The following PACRG variants were observed in gnomAD, a reference collection of about 807,000 sequenced individuals.
PACRG encodes parkin coregulated gene protein.
PACRG carries 29 observed loss-of-function variants against 29.7 expected under a neutral mutation model. The observed-to-expected ratio is 0.98, with a 90% CI of 0.73 to 1.33. The LOEUF is 1.33. Among genes scored for constraint, PACRG ranks in the 40% most tolerant of loss-of-function variants. PACRG has a pLI of 0.00. For synonymous variants in PACRG, 116 were observed against 118.7 expected, an observed-to-expected ratio of 0.98 and a Z score of 0.15; for missense variants, 279 against 316.2, an observed-to-expected ratio of 0.88 and a Z score of 0.89.
At chr6:162,875,826 G>A (rs1263859309) in intron 2 of PACRG, among the ~76,000 whole-genome samples, 1 of 152,122 alleles carries the variant, frequency 6.6e-6, no homozygotes, top group African/African-American at 2.4e-5. Context: ...TTCCAGGGAG[G>A]TCTTCTTCCT....
At chr6:163,309,301 G>A (rs564024781) in intron 4 of PACRG, among the ~76,000 whole-genome samples, 2 of 152,358 alleles carry the variant, frequency 1.3e-5, no homozygotes, top group South Asian at 4.1e-4. Context: ...TTATTTCAGA[G>A]CCTTGGTTTT....
Position 162,846,826 on chromosome 6 carries a change from C to T in PACRG, c.291+32545C>T, listed in dbSNP as rs115742345. 3.2e-3 allele frequency among the ~76,000 whole-genome samples: 488 copies of T among 152,398 alleles called. 8 individuals are homozygous for T. The highest frequency in any genetic ancestry group is 0.011 in the African/African-American group (462 of 41,600). ...TCCCCACTGTTGTCTGTGCTCCGCA[C>T]ACTGTCCACTGTGCTCCCCACACTG... On this transcript the variant is annotated intron_variant, in intron 2 of 4. Coordinates refer to ENST00000366888, the MANE Select transcript of PACRG (RefSeq NM_001080379.2).
intron 2 of PACRG, among the ~76,000 whole-genome samples, chr6:163,037,997 A>G (rs1401815157): frequency 6.6e-6 from 1 of 152,256 alleles, no homozygotes; most frequent in Non-Finnish European, 1.5e-5. Flanking sequence ...AGTGGCAATA[A>G]TAATGATTAG....
chr6:163,026,166 C>A (rs1290968119), intron 2 of PACRG, among the ~76,000 whole-genome samples: 1 of 152,072 alleles, frequency 6.6e-6, no homozygotes, highest in South Asian at 2.1e-4. Flanking sequence ...TATAAGAAAT[C>A]AATTTGATAA....
At chr6:162,913,185 C>T (rs149134080) in intron 2 of PACRG, among the ~76,000 whole-genome samples, 1 of 152,190 alleles carries the variant, frequency 6.6e-6, no homozygotes, top group East Asian at 1.9e-4. Flanking sequence ...ATGTTGGCCT[C>T]TGTATACACC....
At chr6:162,787,590 A>G (rs1315525194) in intron 1 of PACRG, among the ~76,000 whole-genome samples, 2,337 of 115,678 alleles carry the variant, frequency 0.02, 24 homozygotes, top group Non-Finnish European at 0.023. Context: ...GTGTATATAT[A>G]TATATATATA....
intron 4 of PACRG, among the ~76,000 whole-genome samples, chr6:163,217,117 T>C (rs1781393292): frequency 1.3e-5 from 2 of 152,214 alleles, no homozygotes; most frequent in Admixed American, 6.5e-5. Flanking sequence ...TGTGAAAGAC[T>C]CTGGGATGGG....
At chr6:163,311,775 C>CA (rs36101814) in intron 4 of PACRG, among the ~76,000 whole-genome samples, 44,243 of 151,864 alleles carry the variant, frequency 0.29, 7,905 homozygotes, top group African/African-American at 0.5. Context: ...TGTGGAAAAA[C>CA]AAAAAAAGCT....
chr6:163,067,329 G>C (rs1209766368), intron 3 of PACRG, among the ~76,000 whole-genome samples: 1 of 152,234 alleles, frequency 6.6e-6, no homozygotes, highest in South Asian at 2.1e-4. Context: ...CCCCACCAAA[G>C]AGTCCTGGAC....
chr6:162,778,934 G>A (rs988329241), intron 1 of PACRG, among the ~76,000 whole-genome samples: 6 of 152,140 alleles, frequency 3.9e-5, no homozygotes, highest in Admixed American at 3.3e-4. Context: ...TGTTTCATAG[G>A]TAAACGTGTG....
chr6:163,301,362 T>C (rs1293188694), intron 4 of PACRG, among the ~76,000 whole-genome samples: 2 of 152,222 alleles, frequency 1.3e-5, no homozygotes, highest in African/African-American at 4.8e-5. Flanking sequence ...GAACTATATC[T>C]GAAGGAAAAC....
intron 2 of PACRG, among the ~76,000 whole-genome samples, chr6:162,880,505 T>C (rs1562692960): frequency 1.3e-5 from 2 of 152,334 alleles, no homozygotes; most frequent in East Asian, 3.9e-4. Flanking sequence ...TTCCTTGTAG[T>C]GTTTTGAATA....
At chr6:163,158,726 T>C (rs1778425660) in intron 4 of PACRG, among the ~76,000 whole-genome samples, 1 of 152,182 alleles carries the variant, frequency 6.6e-6, no homozygotes, top group Non-Finnish European at 1.5e-5. Flanking sequence ...TAGACATTAC[T>C]AGGAAATAAT....
intron 2 of PACRG, among the ~76,000 whole-genome samples, chr6:162,929,397 C>A (rs1339513632): frequency 6.6e-6 from 1 of 151,660 alleles, no homozygotes; most frequent in Non-Finnish European, 1.5e-5. Flanking sequence ...GGAGAAATGT[C>A]TATTGGATCT....
At chr6:163,049,043 A>G (rs967704443) in intron 2 of PACRG, among the ~76,000 whole-genome samples, 20 of 152,106 alleles carry the variant, frequency 1.3e-4, no homozygotes, top group East Asian at 7.7e-4. Context: ...TTTATATGAA[A>G]AAGTAAGCAA....
chr6:162,783,882 A>G (rs1784270598), intron 1 of PACRG, among the ~76,000 whole-genome samples: 2 of 152,084 alleles, frequency 1.3e-5, no homozygotes, highest in Non-Finnish European at 2.9e-5. Flanking sequence ...ATTTTTGTCA[A>G]CTGGTTAACA....
At chr6:163,200,540 C>G (rs9458744) in intron 4 of PACRG, among the ~76,000 whole-genome samples, 3,024 of 152,206 alleles carry the variant, frequency 0.02, 111 homozygotes, top group African/African-American at 0.069. Flanking sequence ...AAACAACGCA[C>G]AGCCATGAGT....
intron 2 of PACRG, among the ~76,000 whole-genome samples, chr6:162,955,211 G>A (rs1348762142): frequency 6.6e-6 from 1 of 152,196 alleles, no homozygotes; most frequent in Non-Finnish European, 1.5e-5. Context: ...GGTGAGGTGG[G>A]TAGGGTTCAT....
intron 2 of PACRG, among the ~76,000 whole-genome samples, chr6:162,979,361 A>G (rs1463469266): frequency 6.6e-6 from 1 of 151,898 alleles, no homozygotes; most frequent in Non-Finnish European, 1.5e-5. Flanking sequence ...TCTTTTGCCC[A>G]TTTCTTTATT....
Sources: allele counts gnomAD v4.1 joint callset (sites outside exome capture counted in the v4.1 genomes callset), GRCh38; gene constraint gnomAD v4.1.1; transcripts MANE v1.5; gene names NCBI Gene and HGNC (gene_info 2026-07-23, HGNC 2026-07-21).